IL1RAPL1: variants seen among roughly 807,000 people sequenced by gnomAD.
The protein encoded by IL1RAPL1 is interleukin-1 receptor accessory protein-like 1.
Under a neutral mutation model 48.4 loss-of-function variants are expected in IL1RAPL1, and 3 were observed. The observed-to-expected ratio is 0.06, with a 90% CI of 0.03 to 0.16. The LOEUF is 0.16. Ranked by LOEUF, IL1RAPL1 falls within the 10% of genes least tolerant of loss-of-function variation. The probability of loss-of-function intolerance (pLI) is 1.00; values close to 1 mark genes in which losing one functional copy is unlikely to be tolerated. For missense variants in IL1RAPL1, 349 were observed against 530.6 expected, an observed-to-expected ratio of 0.66 and a Z score of 3.36; for synonymous variants, 185 against 187.7, an observed-to-expected ratio of 0.99 and a Z score of 0.12.
intron 2 of IL1RAPL1, among the ~76,000 whole-genome samples, chrX:28,795,036 G>A (rs1936593689): frequency 9.0e-6 from 1 of 111,010 alleles, no homozygotes; most frequent in Non-Finnish European, 1.9e-5. Context: ...GTTACCATGT[G>A]TTTATTCTCA....
At chrX:28,981,090 CAAAAAAAAAAAAAAAAAAAAAAAA>C (rs57824632) in intron 2 of IL1RAPL1, among the ~76,000 whole-genome samples, 20 of 24,308 alleles carry the variant, frequency 8.2e-4, no homozygotes, top group African/African-American at 3.4e-3. Flanking sequence ...GACCCTGTCT[CAAAAAAAAAAAAAAAAAAAAAAAA>C]AAAAAAAAAA....
At chrX:29,065,428 A>C (rs1056455259) in intron 2 of IL1RAPL1, among the ~76,000 whole-genome samples, 1 of 111,378 alleles carries the variant, frequency 9.0e-6, no homozygotes, top group Non-Finnish European at 1.9e-5. Flanking sequence ...GTAACTGATA[A>C]ATTGTTTTTC....
chrX:29,082,906 G>A lies in IL1RAPL1; in HGVS notation c.83-200032G>A, dbSNP rs1046235930. Among the ~76,000 whole-genome samples the A allele has an allele frequency of 8.1e-5, 9 of 111,718 alleles. No individual in the cohort carries two copies. The Admixed American group carries it at 8.6e-4, about 11-fold the overall frequency. On this transcript the variant is annotated intron_variant, in intron 2 of 10. Transcript: ENST00000378993. ...TTATCTGAGGCTAAGGTAAATCCAAGGAGGATGTAACATCTTTTTCTTTAC... is the reference window on the plus strand; with the variant it reads ...TTATCTGAGGCTAAGGTAAATCCAAAGAGGATGTAACATCTTTTTCTTTAC...
chrX:29,773,697 A>G (rs1160973504), intron 6 of IL1RAPL1, among the ~76,000 whole-genome samples: 1 of 111,571 alleles, frequency 9.0e-6, no homozygotes, highest in East Asian at 2.8e-4. Context: ...GAAAGGGCAC[A>G]GGCTAATGGT....
chrX:29,113,951 A>G lies in IL1RAPL1; in HGVS notation c.83-168987A>G, dbSNP rs192708815. Among the ~76,000 whole-genome samples the G allele has an allele frequency of 3.2e-4, 36 of 112,010 alleles. No homozygotes were observed. In the South Asian group the frequency reaches 4.4e-3, roughly 14 times the overall value. On this transcript the variant is annotated intron_variant, in intron 2 of 10. Coordinates refer to ENST00000378993, the MANE Select transcript of IL1RAPL1 (RefSeq NM_014271.4). ...GGAATTATTTTGACATTTCATCATC[A>G]TATATAGTTTGCTCTAGTTTTTTTG...
chrX:29,693,600 G>T (rs916275075), intron 6 of IL1RAPL1, among the ~76,000 whole-genome samples: 2 of 111,970 alleles, frequency 1.8e-5, no homozygotes, highest in African/African-American at 6.5e-5. Context: ...GAGGATTTAT[G>T]AGCTTGAGCA....
chrX:29,067,436 A>G (rs1023836991), intron 2 of IL1RAPL1, among the ~76,000 whole-genome samples: 1 of 112,421 alleles, frequency 8.9e-6, no homozygotes, highest in Non-Finnish European at 1.9e-5. Flanking sequence ...CGAAATGAAG[A>G]AAAATATTCC....
intron 2 of IL1RAPL1, among the ~76,000 whole-genome samples, chrX:29,090,587 G>A (rs1047002633): frequency 2.0e-4 from 22 of 111,849 alleles, no homozygotes; most frequent in African/African-American, 6.8e-4. Flanking sequence ...AAAGATAACC[G>A]TACTTAATTC....
chrX:29,651,289 C>T (rs1311419088), intron 5 of IL1RAPL1, among the ~76,000 whole-genome samples: 3 of 110,592 alleles, frequency 2.7e-5, no homozygotes, highest in Admixed American at 9.6e-5. Context: ...CCAAAGAAAA[C>T]GAAGTGAGTA....
intron 2 of IL1RAPL1, among the ~76,000 whole-genome samples, chrX:29,048,122 A>G (rs1177905437): frequency 9.0e-6 from 1 of 111,574 alleles, no homozygotes; most frequent in African/African-American, 3.3e-5. Context: ...AATGTCACAT[A>G]TTAATGTGCC....
chrX:29,931,427 T>A (rs1397318599), intron 8 of IL1RAPL1, among the ~76,000 whole-genome samples: 1 of 111,617 alleles, frequency 9.0e-6, no homozygotes, highest in Non-Finnish European at 1.9e-5. Flanking sequence ...GATAAACTAT[T>A]ACCAACAAAT....
intron 2 of IL1RAPL1, among the ~76,000 whole-genome samples, chrX:29,221,883 C>T (rs1476504433): frequency 5.5e-5 from 6 of 109,503 alleles, no homozygotes; most frequent in African/African-American, 6.7e-5. Flanking sequence ...TGGTGGCATG[C>T]GCCTGTAATC....
At chrX:29,901,831 G>T (rs950874881) in intron 6 of IL1RAPL1, among the ~76,000 whole-genome samples, 7 of 112,285 alleles carry the variant, frequency 6.2e-5, no homozygotes, top group African/African-American at 1.9e-4. Flanking sequence ...GTAATTAAAA[G>T]AGCAGAAATA....
At chrX:29,059,267 C>T (rs1220805311) in intron 2 of IL1RAPL1, among the ~76,000 whole-genome samples, 1 of 111,799 alleles carries the variant, frequency 8.9e-6, no homozygotes, top group Admixed American at 9.5e-5. Context: ...AACTATTATA[C>T]ATTGACTGCA....
intron 1 of IL1RAPL1, among the ~76,000 whole-genome samples, chrX:28,770,940 A>C (rs1031948841): frequency 1.8e-5 from 2 of 112,228 alleles, no homozygotes; most frequent in African/African-American, 6.5e-5. Context: ...GCCAATGTCC[A>C]GTGTTAGTAT....
At chrX:29,557,131 T>C (rs994768154) in intron 5 of IL1RAPL1, among the ~76,000 whole-genome samples, 1 of 111,936 alleles carries the variant, frequency 8.9e-6, no homozygotes, top group African/African-American at 3.2e-5. Context: ...TGGGGCCATC[T>C]CGATACAGCT....
Position 29,518,670 on chromosome X carries a change from T to G in IL1RAPL1, c.703+119362T>G, listed in dbSNP as rs1021152299. On this transcript the variant is annotated intron_variant, in intron 5 of 10. Transcript: ENST00000378993. ...GATGGAATGGCATGAATGAGAAGAG[T>G]AGTAGTAGATCGGATTTGAGAGACA... Among the ~76,000 whole-genome samples, 9 of 110,252 alleles carry G rather than the reference T, an allele frequency of 8.2e-5. No homozygotes were observed. The South Asian group carries it at 3.5e-3, about 42-fold the overall frequency.
chrX:29,271,811 G>A (rs537939342), intron 2 of IL1RAPL1, among the ~76,000 whole-genome samples: 1 of 111,743 alleles, frequency 8.9e-6, no homozygotes, highest in East Asian at 2.8e-4. Context: ...CCCATTCTGT[G>A]TGTTGTATGT....
intron 6 of IL1RAPL1, among the ~76,000 whole-genome samples, chrX:29,687,537 A>G (rs192465636): frequency 1.8e-5 from 2 of 111,591 alleles, no homozygotes; most frequent in East Asian, 2.8e-4. Context: ...AGATTGGTCA[A>G]TTGGGTACAA....
Sources: allele counts gnomAD v4.1 joint callset (sites outside exome capture counted in the v4.1 genomes callset), GRCh38; gene constraint gnomAD v4.1.1; transcripts MANE v1.5; gene names NCBI Gene and HGNC (gene_info 2026-07-23, HGNC 2026-07-21).